The following COQ9 variants were observed in gnomAD, a reference collection of about 807,000 sequenced individuals.
COQ9 encodes ubiquinone biosynthesis protein COQ9, mitochondrial.
COQ9 carries 35 observed loss-of-function variants against 42.4 expected under a neutral mutation model. The observed-to-expected ratio is 0.83, with a 90% CI of 0.63 to 1.10. The LOEUF is 1.10. Ranked by LOEUF, COQ9 falls within the 50% of genes least tolerant of loss-of-function variation. COQ9 has a pLI of 0.00. For missense variants in COQ9, 406 were observed against 414.6 expected (o/e 0.98, Z 0.18); for synonymous variants, 155 against 155.1 (o/e 1.00, Z 0.00).
intron 5 of COQ9, chr16:57,457,304 G>A: frequency 6.2e-6 from 3 of 486,182 alleles, no homozygotes; most frequent in Non-Finnish European, 1.2e-5. Flanking sequence ...CAGGTCTGCA[G>A]GGAGGAGGAA....
chr16:57,459,449 T>C (rs1181850231), intron 6 of COQ9, 116 bp from the exon 7 acceptor site: 4 of 984,050 alleles, frequency 4.1e-6, no homozygotes, highest in Non-Finnish European at 1.6e-6. Flanking sequence ...GAGGGCCAGA[T>C]GTATCTGTGA....
intron 1 of COQ9, among the ~76,000 whole-genome samples, chr16:57,449,011 G>A (rs1418054603): frequency 6.6e-6 from 1 of 152,180 alleles, no homozygotes; most frequent in East Asian, 1.9e-4. Flanking sequence ...TATTGCAATA[G>A]GGAAAAGAGT....
intron 3 of COQ9, 129 bp downstream of exon 3, chr16:57,453,065 GT>G (rs1243606967): frequency 1.4e-5 from 18 of 1,253,386 alleles, no homozygotes; most frequent in African/African-American, 2.9e-5. Context: ...AGATTGACTG[GT>G]TTTTTTCCCC....
Position 57,460,121 on chromosome 16 carries a change from A to C in COQ9, c.921+17A>C. ...GCAGTGACGGTGAGTACTGCCCAGC[A>C]CATCCCTGCCCCTCCTCTCTCCCAT... On this transcript the variant is annotated intron_variant, in intron 8 of 8. Coordinates refer to ENST00000262507, the MANE Select transcript of COQ9 (RefSeq NM_020312.4). 1 of 1,613,800 alleles carries C rather than the reference A, an allele frequency of 6.2e-7. No homozygotes were observed. The highest frequency in any genetic ancestry group is 2.2e-5 in the East Asian group (1 of 44,888).
rs1012015240 is a variant in COQ9, at chr16:57,450,323, G to A, written c.74-717G>A. 8.7e-5 allele frequency among the ~76,000 whole-genome samples: 13 copies of A among 149,756 alleles called. No individual in the cohort carries two copies. The South Asian group carries it at 1.7e-3, about 19-fold the overall frequency. ...CCAGCTACTCGGGAGGCTGAGGCAC[G>A]AGAATCACTTGAGCCTGGGAGGCAG... On this transcript the variant is annotated intron_variant, in intron 1 of 8. Coordinates refer to ENST00000262507, the MANE Select transcript of COQ9 (RefSeq NM_020312.4).
In COQ9 at chr16:57,456,630, C is replaced by T; in HGVS notation, c.505C>T (p.Gln169Ter). 1 of 1,613,890 alleles carries T rather than the reference C, an allele frequency of 6.2e-7. No homozygotes were observed. Among genetic ancestry groups the T allele is most frequent in the Non-Finnish European group, 8.5e-7 (1 of 1,179,996 alleles). Residue 169 changes from glutamine to a stop codon, truncating the protein, a stop_gained, in exon 4 of 9, where the codon CAG (glutamine) becomes TAG (stop). Transcript: ENST00000262507. LOFTEE classifies it high-confidence loss of function. ...RVLEEEQKLV[Q>*]LGQAEKRKTD... ...GCTAGAAGAGGAGCAGAAGCTGGTA[C>T]AGTTGGGCCAGGCGGAGTAAGTCCC...
chr16:57,451,908 G>A (rs1275803440), intron 2 of COQ9, among the ~76,000 whole-genome samples: 1 of 152,184 alleles, frequency 6.6e-6, no homozygotes. Context: ...CTGAGTCAAA[G>A]GATATGTACA....
intron 6 of COQ9, among the ~76,000 whole-genome samples, chr16:57,458,611 T>C (rs562509132): frequency 1.3e-5 from 2 of 152,342 alleles, no homozygotes; most frequent in East Asian, 1.9e-4. Flanking sequence ...TCCTTTAGCA[T>C]TGGCGAAAGC....
Position 57,456,942 on chromosome 16 carries a change from C to T in COQ9, c.533C>T (p.Thr178Ile). Residue 178 changes from threonine to isoleucine, a missense_variant, in exon 5 of 9, where the codon ACA (threonine) becomes ATA (isoleucine). Thr to Ile is a moderately conservative substitution (Grantham distance 89). Transcript: ENST00000262507. ...VQLGQAEKRK[T>I]DQFLRDAVET... Reference sequence around the variant, plus strand: ...TTTCCCTCTTCCAGGAAGAGGAAGACAGACCAGTTCCTGAGGGATGCAGTG... The same window carrying T: ...TTTCCCTCTTCCAGGAAGAGGAAGATAGACCAGTTCCTGAGGGATGCAGTG... The T allele has an allele frequency of 6.2e-7, 1 of 1,613,838 alleles. No individual in the cohort carries two copies. The highest frequency in any genetic ancestry group is 8.5e-7 in the Non-Finnish European group (1 of 1,179,724).
intron 3 of COQ9, 174 bp from the exon 4 acceptor site, chr16:57,456,330 A>G: frequency 1.4e-6 from 1 of 691,642 alleles, no homozygotes; most frequent in Non-Finnish European, 2.6e-6. Flanking sequence ...CACACACACC[A>G]AGGGGCTTTG....
intron 6 of COQ9, 87 bp downstream of exon 6, chr16:57,458,437 T>G (rs767416677): frequency 2.9e-6 from 3 of 1,020,412 alleles, no homozygotes; most frequent in Non-Finnish European, 4.5e-6. Flanking sequence ...GCTTTGATCA[T>G]AAGCCCCTGC....
intron 1 of COQ9, among the ~76,000 whole-genome samples, chr16:57,448,693 A>G (rs760561964): frequency 6.6e-6 from 1 of 152,132 alleles, no homozygotes; most frequent in East Asian, 1.9e-4. Context: ...GATTACAGGT[A>G]TGAGCCACCG....
chr16:57,459,511 G>C (rs1455739402), intron 6 of COQ9, 54 bp from the exon 7 acceptor site: 3 of 1,604,578 alleles, frequency 1.9e-6, no homozygotes, highest in African/African-American at 2.7e-5. Context: ...GCCTTGGGTA[G>C]GAACTGCCTC....
chr16:57,460,214 CTAA>C, intron 8 of COQ9, 110 bp downstream of exon 8: 1 of 1,123,356 alleles, frequency 8.9e-7, no homozygotes, highest in Non-Finnish European at 1.3e-6. Context: ...AAACAATAAT[CTAA>C]TAATAAGGCT....
In COQ9 at chr16:57,447,491, G is replaced by A. The variant is rs2030145310; in HGVS notation, c.-15G>A. ...TACCGGTCGCGTCGCCGTGGGCGAC[G>A]TGCCCGCTTCCAAAATGGCGGCGGC... On this transcript the variant is annotated 5_prime_UTR_variant, in exon 1 of 9. The change creates a new upstream start codon in the 5' untranslated region. Transcript: ENST00000262507. 8.5e-6 allele frequency: 11 copies of A among 1,291,758 alleles called. No homozygotes were observed. Among genetic ancestry groups the A allele is most frequent in the East Asian group, 3.1e-5 (1 of 32,220 alleles). The allele number at this position is 1,291,758 out of a possible 1,614,324, so 80.0% of individuals were successfully genotyped here. A position where few individuals can be genotyped will look rare whatever the true frequency, so the allele number is the denominator to read the frequency against.
intron 1 of COQ9, among the ~76,000 whole-genome samples, chr16:57,450,322 C>T (rs2030254065): frequency 2.7e-5 from 4 of 146,646 alleles, no homozygotes; most frequent in South Asian, 4.2e-4. Context: ...GGCTGAGGCA[C>T]GAGAATCACT....
chr16:57,456,859 C>A, intron 4 of COQ9, 72 bp from the exon 5 acceptor site: 1 of 1,429,424 alleles, frequency 7.0e-7, no homozygotes, highest in East Asian at 2.3e-5. Flanking sequence ...CTCCCTAGGG[C>A]TGAGTAAACC....
chr16:57,450,812 A>G, intron 1 of COQ9: 1 of 587,220 alleles, frequency 1.7e-6, no homozygotes, highest in East Asian at 2.9e-5. Context: ...TGGTAGAAAC[A>G]GGTCAAGATG....
intron 3 of COQ9, chr16:57,453,923 A>C (rs2030344897): frequency 1.3e-5 from 2 of 152,244 alleles, no homozygotes; most frequent in South Asian, 2.1e-4. Flanking sequence ...AAGAGACATG[A>C]CAGGGGTCAA....
Sources: allele counts gnomAD v4.1 joint callset (sites outside exome capture counted in the v4.1 genomes callset), GRCh38; gene constraint gnomAD v4.1.1; transcripts MANE v1.5; gene names NCBI Gene and HGNC (gene_info 2026-07-23, HGNC 2026-07-21).